Variants in ATG16L1 observed in about 807,000 individuals in gnomAD.
ATG16L1 encodes autophagy related 16 like 1.
ATG16L1 carries 37 observed loss-of-function variants against 88.5 expected under a neutral mutation model. The ratio of observed to expected loss-of-function variants is 0.42; its 90% CI spans 0.32 to 0.55. ATG16L1 has a LOEUF of 0.55. Among genes scored for constraint, ATG16L1 ranks in the 20% least tolerant of loss-of-function variants. The pLI, the probability that ATG16L1 is intolerant of heterozygous loss-of-function variation, is 0.13. For synonymous variants in ATG16L1, 301 were observed against 281.0 expected (o/e 1.07, Z -0.71); for missense variants, 554 against 752.8 (o/e 0.74, Z 3.09).
At chr2:233,258,677 C>T (rs539152341) in intron 2 of ATG16L1, among the ~76,000 whole-genome samples, 43 of 152,214 alleles carry the variant, frequency 2.8e-4, no homozygotes, top group East Asian at 2.7e-3. Flanking sequence ...AATATGCAGC[C>T]GTTCTTTTGG....
chr2:233,259,388 G>T (rs1697041227), intron 2 of ATG16L1, among the ~76,000 whole-genome samples: 1 of 152,204 alleles, frequency 6.6e-6, no homozygotes, highest in Non-Finnish European at 1.5e-5. Flanking sequence ...CACAGGCCCA[G>T]TTGAAGGGTT....
At chr2:233,257,131 G>A (rs2119503) in intron 2 of ATG16L1, among the ~76,000 whole-genome samples, 27,042 of 152,046 alleles carry the variant, frequency 0.18, 2,673 homozygotes, top group African/African-American at 0.27. Context: ...CTGGGTTCAA[G>A]CCATTCTCCT....
intron 8 of ATG16L1, chr2:233,274,398 G>C (rs369456895): frequency 2.3e-6 from 1 of 433,292 alleles, no homozygotes; most frequent in Admixed American, 3.8e-5. Flanking sequence ...TTATTGACTG[G>C]GTAAGCAGTT....
chr2:233,266,896 C>T lies in ATG16L1; in HGVS notation c.641+1753C>T, dbSNP rs146573906. 2.4e-4 allele frequency among the ~76,000 whole-genome samples: 36 copies of T among 152,274 alleles called. No homozygotes were observed. The East Asian group carries it at 6.4e-3, about 27-fold the overall frequency. On this transcript the variant is annotated intron_variant, in intron 5 of 17. Coordinates refer to ENST00000392017, the MANE Select transcript of ATG16L1 (RefSeq NM_030803.7). ...GCCAGGCACAGGAAGGCAGATACTG[C>T]GTGCTTCTACATGTGGGGCTAAAAG... is the stretch of plus-strand genomic sequence containing the variant.
At chr2:233,252,525 G>A (rs1445977645) in intron 1 of ATG16L1, among the ~76,000 whole-genome samples, 2 of 152,078 alleles carry the variant, frequency 1.3e-5, no homozygotes, top group Non-Finnish European at 2.9e-5. Context: ...TGGGATTACA[G>A]ACGCGCTTCA....
chr2:233,261,452 T>C (rs1424004738), intron 2 of ATG16L1, among the ~76,000 whole-genome samples: 1 of 152,198 alleles, frequency 6.6e-6, no homozygotes, highest in Admixed American at 6.5e-5. Flanking sequence ...TCATGTAAAG[T>C]GTGTTCCACT....
intron 12 of ATG16L1, among the ~76,000 whole-genome samples, chr2:233,287,259 A>G (rs1482519493): frequency 6.6e-6 from 1 of 152,240 alleles, no homozygotes; most frequent in East Asian, 1.9e-4. Flanking sequence ...ATCACATGAA[A>G]AAATGCTTAC....
In ATG16L1 at chr2:233,263,086, C is replaced by T. The variant is rs199825476; in HGVS notation, c.210-44C>T. The T allele has an allele frequency of 1.9e-5, 30 of 1,549,658 alleles. No homozygotes were observed. The African/African-American group carries it at 2.3e-4, about 12-fold the overall frequency. ...GTTTGGAGTCTCATTTTTCCCCCTC[C>T]GTTTTTTGCACATTCTCTTCATCTG... is the stretch of plus-strand genomic sequence containing the variant. On this transcript the variant is annotated intron_variant, in intron 2 of 17. Coordinates refer to ENST00000392017, the MANE Select transcript of ATG16L1 (RefSeq NM_030803.7).
intron 9 of ATG16L1, chr2:233,275,599 T>G (rs1698291092): frequency 1.9e-5 from 8 of 428,282 alleles, no homozygotes; most frequent in Non-Finnish European, 3.7e-5. Context: ...ACTGGCTGAG[T>G]GATGAACTGC....
Position 233,292,444 on chromosome 2 carries a change from G to A in ATG16L1, c.1628+10G>A. 2 of 1,612,226 alleles carry A rather than the reference G, an allele frequency of 1.2e-6. No individual in the cohort carries two copies. Among genetic ancestry groups the A allele is most frequent in the East Asian group, 4.5e-5 (2 of 44,890 alleles). Reference sequence around the variant, plus strand: ...CCAGAGTTGTCTTCAGGTTAGTAGTGACCCACCCCCCGCCAATTTGGTTCA... The same window carrying A: ...CCAGAGTTGTCTTCAGGTTAGTAGTAACCCACCCCCCGCCAATTTGGTTCA... On this transcript the variant is annotated intron_variant, in intron 16 of 17. Transcript: ENST00000392017.
At chr2:233,289,761 C>T (rs1412439402) in intron 12 of ATG16L1, 93 bp from the exon 13 acceptor site, 1 of 1,543,036 alleles carries the variant, frequency 6.5e-7, no homozygotes, top group Non-Finnish European at 8.9e-7. Context: ...GTCTGACACT[C>T]TGACTCTGGA....
chr2:233,270,745 C>T (rs1022502745), intron 6 of ATG16L1, among the ~76,000 whole-genome samples: 5 of 152,196 alleles, frequency 3.3e-5, no homozygotes, highest in African/African-American at 1.2e-4. Flanking sequence ...AGTTCTGGAG[C>T]TTTTCCTAAT....
intron 7 of ATG16L1, 187 bp from the exon 8 acceptor site, chr2:233,273,534 C>A: frequency 1.7e-6 from 1 of 573,662 alleles, no homozygotes; most frequent in Non-Finnish European, 3.1e-6. Context: ...AACTTCTAGG[C>A]TGGGTTTTCC....
Position 233,265,054 on chromosome 2 carries a change from G to C in ATG16L1, c.552G>C (p.Thr184=). 6.2e-7 allele frequency: 1 copy of C among 1,614,196 alleles called. No individual in the cohort carries two copies. The highest frequency in any genetic ancestry group is 8.5e-7 in the Non-Finnish European group (1 of 1,180,040). The change falls in exon 5 of 18, where the codon ACG becomes ACC. Residue 184 remains threonine (T), a synonymous_variant. Transcript: ENST00000392017. The part of the protein sequence containing the change: ...TALEGKLRKT[T]EENQELVTRW... ...TGGAGGGAAAACTGAGGAAAACTAC[G>C]GAAGAGAACCAGGAGCTGGTCACCA...
rs1696378585 is a variant in ATG16L1, at chr2:233,251,712, A to C, written c.-116A>C. 1.1e-6 allele frequency: 1 copy of C among 889,408 alleles called. No homozygotes were observed. Among genetic ancestry groups the C allele is most frequent in the Non-Finnish European group, 1.8e-6 (1 of 561,014 alleles). 55.1% of individuals were successfully genotyped at this position (889,408 alleles called of 1,614,324 possible). A position where few individuals can be genotyped will look rare whatever the true frequency, so the allele number is the denominator to read the frequency against. ...GGCCTCGGGGACTGCCAGTGTGTGG[A>C]GGTGAGCTCCGGGATTGCCGGCATT... On this transcript the variant is annotated 5_prime_UTR_variant, in exon 1 of 18. Coordinates refer to ENST00000392017, the MANE Select transcript of ATG16L1 (RefSeq NM_030803.7).
chr2:233,284,326 T>C (rs1698934532), intron 12 of ATG16L1, among the ~76,000 whole-genome samples: 1 of 151,710 alleles, frequency 6.6e-6, no homozygotes, highest in Admixed American at 6.6e-5. Flanking sequence ...TTTTGTTTCG[T>C]TTTTTAAATT....
chr2:233,261,122 A>AT (rs1461540371), intron 2 of ATG16L1, among the ~76,000 whole-genome samples: 2 of 151,874 alleles, frequency 1.3e-5, no homozygotes, highest in African/African-American at 4.8e-5. Flanking sequence ...CGCCCAGCTA[A>AT]TTTTTTGTAT....
intron 8 of ATG16L1, chr2:233,274,162 G>C: frequency 9.0e-7 from 1 of 1,116,720 alleles, no homozygotes; most frequent in Non-Finnish European, 1.3e-6. Context: ...TGCTTTGCAT[G>C]TTCCTAGGAA....
intron 10 of ATG16L1, among the ~76,000 whole-genome samples, chr2:233,278,493 A>G (rs577270211): frequency 4.6e-5 from 7 of 152,330 alleles, no homozygotes; most frequent in African/African-American, 1.7e-4. Flanking sequence ...TCCCCTGATC[A>G]TCACAACAGC....
Sources: gnomAD v4.1 joint callset for allele counts (sites outside exome capture counted in the v4.1 genomes callset) on GRCh38, gnomAD v4.1.1 for gene constraint, MANE v1.5 for transcripts, NCBI Gene and HGNC (gene_info 2026-07-23, HGNC 2026-07-21) for gene names.